Variants in DIP2C observed in about 807,000 individuals in gnomAD.
DIP2C encodes the protein disco-interacting protein 2 homolog C.
DIP2C carries 33 observed loss-of-function variants against 192.4 expected under a neutral mutation model. The ratio of observed to expected loss-of-function variants is 0.17; its 90% CI spans 0.13 to 0.23. DIP2C has a LOEUF of 0.23. DIP2C is among the 10% of genes least tolerant of loss of function. DIP2C has a pLI of 1.00. For missense variants in DIP2C, 1,537 were observed against 2,110.1 expected, an observed-to-expected ratio of 0.73 and a Z score of 5.32; for synonymous variants, 979 against 864.1, an observed-to-expected ratio of 1.13 and a Z score of -2.33.
chr10:305,024 CACAT>C (rs1174356315), intron 32 of DIP2C, among the ~76,000 whole-genome samples: 2 of 50,348 alleles, frequency 4.0e-5, no homozygotes, highest in South Asian at 5.6e-4. Flanking sequence ...ACACTCATGA[CACAT>C]ATATGCACGT....
In DIP2C at chr10:615,671, C is replaced by T. The variant is rs183053564; in HGVS notation, c.85+73823G>A. ...AGGGTTTGCTTAGCCTCTTCACCAG[C>T]GCATTTCACCGACAGATGACACATC... On this transcript the variant is annotated intron_variant, in intron 1 of 36. Transcript: ENST00000280886. 5.9e-5 allele frequency among the ~76,000 whole-genome samples: 9 copies of T among 152,208 alleles called. No individual in the cohort carries two copies. The East Asian group carries it at 1.5e-3, about 26-fold the overall frequency.
At position 496,203 on chromosome 10, in the gene DIP2C, A is replaced by G. The variant is rs114076217; in HGVS notation, c.86-9673T>C. ...CCCTCCCATGTACTTAAATCTCTAC[A>G]TTACTCTTAATACCCCAAACAACGT... On this transcript the variant is annotated intron_variant, in intron 1 of 36. Coordinates refer to ENST00000280886, the MANE Select transcript of DIP2C (RefSeq NM_014974.3). 9.5e-3 allele frequency among the ~76,000 whole-genome samples: 1,363 copies of G among 144,006 alleles called. 65 individuals carry two copies. The highest frequency in any genetic ancestry group is 0.034 in the African/African-American group (1,243 of 37,074). The allele number at this position is 144,006 out of a possible 152,430, so 94.5% of individuals were successfully genotyped here. A position where few individuals can be genotyped will look rare whatever the true frequency, so the allele number is the denominator to read the frequency against.
rs758756066 is a variant in DIP2C, at chr10:419,109, G to A, written c.695C>T (p.Thr232Ile). Residue 232 changes from threonine (T) to isoleucine (I), a missense_variant, in exon 6 of 37, where the codon ACA (threonine) becomes ATA (isoleucine). Thr to Ile is a moderately conservative substitution (Grantham distance 89). Transcript: ENST00000280886. ...CTCGGCGTTGCCGTACTTGGGCGCT[G>A]TCCGGGACCCCGTGGAACCCTGCGG... Reference protein sequence around the residue: ...ERPQGSTGSRTAPKYGNAELM... With the variant: ...ERPQGSTGSRIAPKYGNAELM... 1.9e-6 allele frequency: 3 copies of A among 1,614,278 alleles called. No individual in the cohort carries two copies. In the South Asian group the frequency reaches 3.3e-5, roughly 18 times the overall value.
In DIP2C at chr10:274,386, T is replaced by TA. The variant is rs1344072017; in HGVS notation, c.*2938dup. On this transcript the variant is annotated 3_prime_UTR_variant, in exon 37 of 37. Coordinates refer to ENST00000280886, the MANE Select transcript of DIP2C (RefSeq NM_014974.3). Reference sequence around the variant, plus strand: ...AAACAGAGTCAGATACATTTCCCTGTAGGAGTCACTTCCTTCCCGGGATTA... The same window carrying TA: ...AAACAGAGTCAGATACATTTCCCTGTAAGGAGTCACTTCCTTCCCGGGATTA... 3.3e-5 allele frequency: 5 copies of TA among 152,360 alleles called. No individual in the cohort carries two copies. The highest frequency in any genetic ancestry group is 1.9e-4 in the East Asian group (1 of 5,186). 9.4% of individuals were successfully genotyped at this position (152,360 alleles called of 1,614,324 possible). A position where few individuals can be genotyped will look rare whatever the true frequency, so the allele number is the denominator to read the frequency against.
At chr10:422,375 C>G (rs906710145) in intron 5 of DIP2C, among the ~76,000 whole-genome samples, 16 of 152,172 alleles carry the variant, frequency 1.1e-4, no homozygotes, top group Admixed American at 9.2e-4. Context: ...CAGAGTATCT[C>G]CCTGTCATAG....
chr10:503,979 T>C (rs980933428), intron 1 of DIP2C, among the ~76,000 whole-genome samples: 3 of 152,136 alleles, frequency 2.0e-5, no homozygotes, highest in African/African-American at 7.2e-5. Context: ...AATTCCAGAT[T>C]CCTGATCACA....
intron 26 of DIP2C, among the ~76,000 whole-genome samples, chr10:346,350 A>G (rs1477867926): frequency 3.4e-5 from 2 of 58,096 alleles, no homozygotes; most frequent in African/African-American, 1.6e-4. Context: ...CGGAAACCCC[A>G]CACTCACCCA....
rs1014916738 is a variant in DIP2C at position 276,668 on chromosome 10, A to G, written c.*657T>C. 2.0e-5 allele frequency: 3 copies of G among 152,710 alleles called. No homozygotes were observed. Among genetic ancestry groups the G allele is most frequent in the Non-Finnish European group, 4.4e-5 (3 of 68,082 alleles). The allele number at this position is 152,710 out of a possible 1,614,324, so 9.5% of individuals were successfully genotyped here. On this transcript the variant is annotated 3_prime_UTR_variant, in exon 37 of 37. Coordinates refer to ENST00000280886, the MANE Select transcript of DIP2C (RefSeq NM_014974.3). ...AGTTTAGTACAAAGATATTTGCAAG[A>G]TAATTGCCGAAATACACCTTATTTA...
intron 1 of DIP2C, among the ~76,000 whole-genome samples, chr10:686,362 C>A: frequency 6.6e-6 from 1 of 151,372 alleles, no homozygotes; most frequent in East Asian, 2.0e-4. Flanking sequence ...CGTGGTCTCC[C>A]CACCTGCACA....
chr10:593,487 C>G, intron 1 of DIP2C, among the ~76,000 whole-genome samples: 1 of 5,420 alleles, frequency 1.8e-4, no homozygotes, highest in African/African-American at 3.8e-4. Context: ...CACGCGGGAC[C>G]CCCCCCCCCC....
chr10:645,908 G>A (rs1048769779), intron 1 of DIP2C, among the ~76,000 whole-genome samples: 2 of 152,032 alleles, frequency 1.3e-5, no homozygotes, highest in African/African-American at 2.4e-5. Context: ...TGCGTCCCCC[G>A]ACCTCTGATT....
chr10:287,228 C>T (rs922657559), intron 33 of DIP2C, among the ~76,000 whole-genome samples: 1 of 152,092 alleles, frequency 6.6e-6, no homozygotes, highest in Admixed American at 6.6e-5. Flanking sequence ...GGATTACAGG[C>T]ATGAGACACT....
At chr10:658,474 G>A (rs926599613) in intron 1 of DIP2C, among the ~76,000 whole-genome samples, 1 of 152,254 alleles carries the variant, frequency 6.6e-6, no homozygotes, top group African/African-American at 2.4e-5. Flanking sequence ...ATCCATCTGA[G>A]AGCAGCTGTC....
At chr10:451,617 A>C (rs531585210) in intron 3 of DIP2C, among the ~76,000 whole-genome samples, 1 of 152,382 alleles carries the variant, frequency 6.6e-6, no homozygotes, top group East Asian at 1.9e-4. Flanking sequence ...TGAAAGAACT[A>C]CATCAAAATA....
chr10:348,898 C>G (rs1958652065), intron 25 of DIP2C, 136 bp from the exon 26 acceptor site: 2 of 1,347,234 alleles, frequency 1.5e-6, no homozygotes, highest in Admixed American at 5.0e-5. Flanking sequence ...CCTCCGTCAT[C>G]CTGGCGGGTT....
chr10:634,674 C>T (rs763518376), intron 1 of DIP2C, among the ~76,000 whole-genome samples: 4 of 151,746 alleles, frequency 2.6e-5, no homozygotes, highest in Non-Finnish European at 4.4e-5. Flanking sequence ...TTGTTTGAAC[C>T]CAGGAGGCAG....
In DIP2C at chr10:323,870, G is replaced by T. The variant is rs541375053; in HGVS notation, c.3924+3136C>A. ...GCTGGGCTCTATGGAGAGCCAGGGA[G>T]CGAGAGGTGGTTTCTGCCGCTGGAT... On this transcript the variant is annotated intron_variant, in intron 31 of 36. Transcript: ENST00000280886. 8.5e-5 allele frequency among the ~76,000 whole-genome samples: 13 copies of T among 152,320 alleles called. No individual in the cohort carries two copies. The East Asian group carries it at 2.1e-3, about 25-fold the overall frequency.
At chr10:524,031 G>A (rs1370817674) in intron 1 of DIP2C, among the ~76,000 whole-genome samples, 7 of 152,280 alleles carry the variant, frequency 4.6e-5, no homozygotes, top group East Asian at 3.9e-4. Context: ...CCAGGAGGCC[G>A]TGCAATGGCC....
chr10:435,296 G>A (rs1446204162), intron 4 of DIP2C, among the ~76,000 whole-genome samples: 1 of 152,182 alleles, frequency 6.6e-6, no homozygotes, highest in Non-Finnish European at 1.5e-5. Context: ...TCTCTGGAAG[G>A]TAGACCTAGT....
Sources: allele counts gnomAD v4.1 joint callset (sites outside exome capture counted in the v4.1 genomes callset), GRCh38; gene constraint gnomAD v4.1.1; transcripts MANE v1.5; gene names NCBI Gene and HGNC (gene_info 2026-07-23, HGNC 2026-07-21).